The following DLC1 variants were observed in gnomAD, a reference collection of about 807,000 sequenced individuals.
DLC1 encodes the protein DLC1 Rho GTPase activating protein.
In DLC1, 54 loss-of-function variants were observed where a neutral mutation model predicts 140.3. The ratio of observed to expected loss-of-function variants is 0.38; its 90% CI spans 0.31 to 0.48. The LOEUF is 0.48. Ranked by LOEUF, DLC1 falls within the 20% of genes least tolerant of loss-of-function variation. The pLI is 0.96. For synonymous variants in DLC1, 986 were observed against 728.1 expected (o/e 1.35, Z -5.70); for missense variants, 2,536 against 1,907.0 (o/e 1.33, Z -6.14).
At chr8:13,147,326 T>G (rs1487455101) in intron 5 of DLC1, among the ~76,000 whole-genome samples, 2 of 152,226 alleles carry the variant, frequency 1.3e-5, no homozygotes, top group East Asian at 3.9e-4. Flanking sequence ...TTAGTATGTG[T>G]GGATTTCTTT....
chr8:13,318,797 C>T (rs1156365519), intron 4 of DLC1, among the ~76,000 whole-genome samples: 3 of 152,170 alleles, frequency 2.0e-5, no homozygotes, highest in Non-Finnish European at 2.9e-5. Context: ...CAGTCCTTGG[C>T]CGGCTGAACC....
rs370075708 is a variant in DLC1 at position 13,453,556 on chromosome 8, ATT to A, written c.1023+45491_1023+45492del. 8.8e-3 allele frequency among the ~76,000 whole-genome samples: 237 copies of A among 26,878 alleles called. 6 individuals carry two copies. The highest frequency in any genetic ancestry group is 0.019 in the African/African-American group (111 of 5,782). 17.6% of individuals were successfully genotyped at this position (26,878 alleles called of 152,430 possible). On this transcript the variant is annotated intron_variant, in intron 2 of 17. Transcript: ENST00000276297. Reference sequence around the variant, plus strand: ...TATATATACATATATATATATATATATTTTTTTTTTTTTTTTTTCAGATAGAA... The same window carrying A: ...TATATATACATATATATATATATATATTTTTTTTTTTTTTTTCAGATAGAA...
intron 1 of DLC1, among the ~76,000 whole-genome samples, chr8:13,546,794 T>C (rs7835899): frequency 0.28 from 42,731 of 151,972 alleles, 6,247 homozygotes; most frequent in Admixed American, 0.3. Flanking sequence ...GACTTCTTTC[T>C]ATTTTCTGTA....
chr8:13,420,189 A>T (rs1000995862), intron 2 of DLC1, among the ~76,000 whole-genome samples: 2 of 152,160 alleles, frequency 1.3e-5, no homozygotes, highest in Admixed American at 1.3e-4. Context: ...AATTTTTTGA[A>T]GGGTTTTTTG....
intron 1 of DLC1, among the ~76,000 whole-genome samples, chr8:13,523,530 C>T (rs1376335038): frequency 6.6e-6 from 1 of 152,058 alleles, no homozygotes; most frequent in Non-Finnish European, 1.5e-5. Flanking sequence ...CTGGGCTAGA[C>T]AAATACATTT....
intron 5 of DLC1, among the ~76,000 whole-genome samples, chr8:13,262,080 G>A (rs1380915753): frequency 1.3e-5 from 2 of 152,122 alleles, no homozygotes; most frequent in Non-Finnish European, 2.9e-5. Context: ...CTCTCTTGGG[G>A]TAAGAGTGCT....
At chr8:13,122,306 C>T (rs987173205) in intron 5 of DLC1, among the ~76,000 whole-genome samples, 1 of 152,172 alleles carries the variant, frequency 6.6e-6, no homozygotes, top group Non-Finnish European at 1.5e-5. Flanking sequence ...AAGCTTGCTC[C>T]AGGCTTTCCA....
At chr8:13,390,128 T>C (rs1836685662) in intron 4 of DLC1, among the ~76,000 whole-genome samples, 2 of 152,090 alleles carry the variant, frequency 1.3e-5, no homozygotes, top group African/African-American at 2.4e-5. Flanking sequence ...AACCATAAAA[T>C]TGATCCATGG....
chr8:13,284,962 A>G (rs1381423605), intron 5 of DLC1, among the ~76,000 whole-genome samples: 1 of 152,200 alleles, frequency 6.6e-6, no homozygotes, highest in African/African-American at 2.4e-5. Context: ...CAAACTATAG[A>G]TTCAACACAA....
chr8:13,439,221 G>A (rs565333956), intron 2 of DLC1, among the ~76,000 whole-genome samples: 2 of 152,302 alleles, frequency 1.3e-5, no homozygotes, highest in Non-Finnish European at 2.9e-5. Context: ...GTACTTGGTA[G>A]GCTGAAGCAG....
intron 4 of DLC1, among the ~76,000 whole-genome samples, chr8:13,308,769 T>A (rs1832556859): frequency 6.6e-6 from 1 of 152,130 alleles, no homozygotes; most frequent in Non-Finnish European, 1.5e-5. Context: ...AGAATATAGA[T>A]CATTAGAACT....
chr8:13,226,036 C>T (rs546593360), intron 5 of DLC1, among the ~76,000 whole-genome samples: 1 of 152,216 alleles, frequency 6.6e-6, no homozygotes, highest in Non-Finnish European at 1.5e-5. Context: ...CATCAGTCTC[C>T]TGAGTAGCTG....
chr8:13,572,709 C>T (rs184750837), intron 1 of DLC1, among the ~76,000 whole-genome samples: 1 of 152,150 alleles, frequency 6.6e-6, no homozygotes, highest in Non-Finnish European at 1.5e-5. Flanking sequence ...GTGATACAGT[C>T]TTTCCCATAT....
At chr8:13,594,038 T>C (rs1318892508) in intron 1 of DLC1, among the ~76,000 whole-genome samples, 2 of 152,094 alleles carry the variant, frequency 1.3e-5, no homozygotes, top group African/African-American at 4.8e-5. Flanking sequence ...TTCATGCCTG[T>C]GGTCCTAGCT....
At chr8:13,585,647 G>A (rs558372289) in intron 1 of DLC1, among the ~76,000 whole-genome samples, 1 of 152,276 alleles carries the variant, frequency 6.6e-6, no homozygotes, top group Admixed American at 6.5e-5. Context: ...CCTTGTGAGG[G>A]CTGTGAGGGA....
intron 1 of DLC1, among the ~76,000 whole-genome samples, chr8:13,554,543 A>G (rs953850437): frequency 6.6e-6 from 1 of 151,960 alleles, no homozygotes; most frequent in African/African-American, 2.4e-5. Flanking sequence ...TTCTTGAATT[A>G]TTTTCTATTT....
intron 4 of DLC1, among the ~76,000 whole-genome samples, chr8:13,307,058 A>T (rs1420897681): frequency 4.1e-5 from 5 of 123,308 alleles, no homozygotes; most frequent in East Asian, 2.8e-4. Context: ...CACTCCATCC[A>T]GGGTGACAGA....
At chr8:13,096,639 G>A (rs982976773) in intron 10 of DLC1, among the ~76,000 whole-genome samples, 26 of 151,950 alleles carry the variant, frequency 1.7e-4, no homozygotes, top group Admixed American at 1.2e-3. Context: ...CTGTCATTCA[G>A]AACAAACAAC....
intron 1 of DLC1, among the ~76,000 whole-genome samples, chr8:13,589,052 G>A (rs138423450): frequency 1.4e-3 from 214 of 152,016 alleles, no homozygotes; most frequent in African/African-American, 5.0e-3. Flanking sequence ...TAATAATTAT[G>A]GGTTGCTAGT....
Sources: gnomAD v4.1 joint callset for allele counts (sites outside exome capture counted in the v4.1 genomes callset) on GRCh38, gnomAD v4.1.1 for gene constraint, MANE v1.5 for transcripts, NCBI Gene and HGNC (gene_info 2026-07-23, HGNC 2026-07-21) for gene names.